SNED1: variants seen among roughly 807,000 people sequenced by gnomAD.
The protein encoded by SNED1 is sushi, nidogen and EGF like domains 1.
A neutral mutation model predicts 166.7 loss-of-function variants in SNED1; 81 were observed. The ratio of observed to expected loss-of-function variants is 0.49; its 90% confidence interval spans 0.41 to 0.58. The LOEUF is 0.58. Ranked by LOEUF, SNED1 falls within the 20% of genes least tolerant of loss-of-function variation. The pLI, the probability that SNED1 is intolerant of heterozygous loss-of-function variation, is 0.00. For synonymous variants in SNED1, 762 were observed against 822.0 expected (o/e 0.93, Z 1.25); for missense variants, 1,604 against 2,000.2 (o/e 0.80, Z 3.78).
At position 241,030,504 on chromosome 2, in the gene SNED1, A is replaced by G. The variant is rs1244109473; in HGVS notation, c.434A>G (p.Asn145Ser). The G allele has an allele frequency of 5.6e-6, 9 of 1,613,780 alleles. No individual in the cohort carries two copies. Among genetic ancestry groups the G allele is most frequent in the Middle Eastern group, 1.6e-4 (1 of 6,084 alleles). The part of the protein sequence containing the change: ...RHYFPELLDF[N>S]ATWVFVATWY... ...TACTTCCCCGAGCTCCTGGACTTCA[A>G]TGCCACCTGGGTTTTTGTTGCCACC... Residue 145 changes from asparagine to serine, a missense_variant, in exon 2 of 32, where the codon AAT becomes AGT. Around this residue, in one of 2 missense-constraint regions of SNED1, gnomAD observed 1,237 missense variants for 1,620.8 expected, o/e 0.76. Coordinates refer to ENST00000310397, the MANE Select transcript of SNED1 (RefSeq NM_001080437.3).
In SNED1 at chr2:241,069,619, G is replaced by A. The variant is rs1002874716; in HGVS notation, c.3308-301G>A. On this transcript the variant is annotated intron_variant, in intron 23 of 31. Coordinates refer to ENST00000310397, the MANE Select transcript of SNED1 (RefSeq NM_001080437.3). The surrounding 1 kb of genome is among the most constrained non-coding windows in gnomAD (Gnocchi z 4.9). ...TCTGCACAGGGCTCCACGCAGCCAG[G>A]CTCAGGGGAACCGACTGTGCCGCAG... 6.6e-6 allele frequency among the ~76,000 whole-genome samples: 1 copy of A among 152,178 alleles called. No individual in the cohort carries two copies. Among genetic ancestry groups the A allele is most frequent in the Non-Finnish European group, 1.5e-5 (1 of 68,022 alleles).
Position 241,069,827 on chromosome 2 carries a change from GC to G in SNED1, c.3308-92del. ...AATAAAGAATCTGGCTTCCAGCAAG[GC>G]TGCGGCAGCCCATGTCCGGTTCTCA... On this transcript the variant is annotated intron_variant, in intron 23 of 31. Coordinates refer to ENST00000310397, the MANE Select transcript of SNED1 (RefSeq NM_001080437.3). The surrounding 1 kb of genome is among the most constrained non-coding windows in gnomAD (Gnocchi z 4.9). 1 of 1,428,472 alleles carries G rather than the reference GC, an allele frequency of 7.0e-7. No individual in the cohort carries two copies. The allele number at this position is 1,428,472 out of a possible 1,614,324, so 88.5% of individuals were successfully genotyped here.
intron 16 of SNED1, among the ~76,000 whole-genome samples, chr2:241,056,756 T>A (rs1376545311): frequency 3.3e-5 from 5 of 151,658 alleles, no homozygotes; most frequent in East Asian, 3.9e-4. Flanking sequence ...AATTTTTTTT[T>A]ATATTTAGTA....
chr2:241,091,027 T>C lies in SNED1; in HGVS notation c.*2-611T>C, dbSNP rs1398091463. 6.6e-6 allele frequency among the ~76,000 whole-genome samples: 1 copy of C among 152,190 alleles called. No individual in the cohort carries two copies. The highest frequency in any genetic ancestry group is 6.5e-5 in the Admixed American group (1 of 15,276). On this transcript the variant is annotated intron_variant, in intron 31 of 31. Coordinates refer to ENST00000310397, the MANE Select transcript of SNED1 (RefSeq NM_001080437.3). This position sits in a 1 kb window ranked among gnomAD's most constrained non-coding sequence, Gnocchi z 4.1. ...ACAAACATAATTTGGGTTTGAGATATTTATACGGTGGTAAGTCACCTGAAA... is the reference window on the plus strand; with the variant it reads ...ACAAACATAATTTGGGTTTGAGATACTTATACGGTGGTAAGTCACCTGAAA...
chr2:241,052,927 C>T (rs1193742560), intron 15 of SNED1, among the ~76,000 whole-genome samples: 2 of 151,860 alleles, frequency 1.3e-5, no homozygotes, highest in East Asian at 1.9e-4. Flanking sequence ...AAGTGGGGAG[C>T]GTGGGATTTC....
chr2:241,068,900 C>T lies in SNED1; in HGVS notation c.3195-11C>T. ...CATCCCTGTTCTCTCTTTGTCACCT[C>T]CTGCCCACAGGGCCCTGCTGCCTGG... On this transcript the variant is annotated splice_polypyrimidine_tract_variant and intron_variant, in intron 22 of 31. Coordinates refer to ENST00000310397, the MANE Select transcript of SNED1 (RefSeq NM_001080437.3). This position sits in a 1 kb window ranked among gnomAD's most constrained non-coding sequence, Gnocchi z 5.3. 1 of 1,537,246 alleles carries T rather than the reference C, an allele frequency of 6.5e-7. No individual in the cohort carries two copies. The highest frequency in any genetic ancestry group is 1.2e-5 in the South Asian group (1 of 83,502).
In SNED1 at chr2:241,013,885, T is replaced by C. The variant is rs1210915812; in HGVS notation, c.213+14835T>C. 6.6e-6 allele frequency among the ~76,000 whole-genome samples: 1 copy of C among 152,242 alleles called. No individual in the cohort carries two copies. The highest frequency in any genetic ancestry group is 1.5e-5 in the Non-Finnish European group (1 of 68,048). On this transcript the variant is annotated intron_variant, in intron 1 of 31. Transcript: ENST00000310397. This position sits in a 1 kb window ranked among gnomAD's most constrained non-coding sequence, Gnocchi z 4.6. ...TATCTTGCTTATGGGAGTGCAGCTA[T>C]TCTATGAGATACTGGTTTCATTTCA...
In SNED1 at chr2:241,068,937, C is replaced by T. The variant is rs532131743; in HGVS notation, c.3221C>T (p.Thr1074Ile). The change falls in exon 23 of 32, where the codon ACC becomes ATC. Residue 1074 changes from threonine (T) to isoleucine (I), a missense_variant. By Grantham distance (89) the Thr-to-Ile change is moderately conservative. Around this residue, in one of 2 missense-constraint regions of SNED1, gnomAD observed 1,237 missense variants for 1,620.8 expected, o/e 0.76. Coordinates refer to ENST00000310397, the MANE Select transcript of SNED1 (RefSeq NM_001080437.3). This position sits in a 1 kb window ranked among gnomAD's most constrained non-coding sequence, Gnocchi z 5.3. ...FRALLPGKRY[T>I]IQLTTLSGLR... Reference sequence around the variant, plus strand: ...GCCCTGCTGCCTGGGAAGAGGTACACCATCCAGCTGACCACCCTCAGTGGG... The same window carrying T: ...GCCCTGCTGCCTGGGAAGAGGTACATCATCCAGCTGACCACCCTCAGTGGG... 3.2e-4 allele frequency: 504 copies of T among 1,554,438 alleles called. No homozygotes were observed. The highest frequency in any genetic ancestry group is 4.2e-4 in the Non-Finnish European group (488 of 1,149,182).
At chr2:241,015,001 G>A (rs1193894392) in intron 1 of SNED1, among the ~76,000 whole-genome samples, 1 of 152,190 alleles carries the variant, frequency 6.6e-6, no homozygotes, top group Non-Finnish European at 1.5e-5. Flanking sequence ...AGGAGCGTTG[G>A]GCTAACTGTG....
chr2:241,016,144 A>C (rs1330139341), intron 1 of SNED1: 2 of 124,850 alleles, frequency 1.6e-5, no homozygotes, highest in African/African-American at 7.1e-5. Flanking sequence ...TTCTGATGTA[A>C]AGCATAGCTG....
chr2:241,001,757 C>T (rs1464601884), intron 1 of SNED1, among the ~76,000 whole-genome samples: 4 of 152,212 alleles, frequency 2.6e-5, no homozygotes, highest in African/African-American at 9.7e-5. Flanking sequence ...GCTCCAAGCA[C>T]TGCCCCCATC....
chr2:241,052,075 C>A lies in SNED1; in HGVS notation c.1887C>A (p.His629Gln). The A allele has an allele frequency of 6.2e-7, 1 of 1,613,930 alleles. No homozygotes were observed. The highest frequency in any genetic ancestry group is 8.5e-7 in the Non-Finnish European group (1 of 1,179,858). The change falls in exon 14 of 32, where the codon CAC (histidine) becomes CAA (glutamine). Residue 629 changes from histidine to glutamine, a missense_variant. By Grantham distance (24) the His-to-Gln change is conservative. Around this residue, in one of 2 missense-constraint regions of SNED1, gnomAD observed 1,237 missense variants for 1,620.8 expected, o/e 0.76. Coordinates refer to ENST00000310397, the MANE Select transcript of SNED1 (RefSeq NM_001080437.3). ...KPDSCASGPC[H>Q]NGGTCFHYIG... ...ACTCGTGTGCCTCTGGCCCCTGTCACAACGGCGGCACCTGCTTCCACTACA... is the reference window on the plus strand; with the variant it reads ...ACTCGTGTGCCTCTGGCCCCTGTCAAAACGGCGGCACCTGCTTCCACTACA...
intron 1 of SNED1, among the ~76,000 whole-genome samples, chr2:241,000,815 G>A (rs897681817): frequency 7.9e-5 from 12 of 152,348 alleles, no homozygotes; most frequent in African/African-American, 2.2e-4. Flanking sequence ...ACCATTTGCC[G>A]ATGTGGACAC....
At position 241,013,088 on chromosome 2, in the gene SNED1, C is replaced by A. The variant is rs2060466577; in HGVS notation, c.213+14038C>A. On this transcript the variant is annotated intron_variant, in intron 1 of 31. Transcript: ENST00000310397. The surrounding 1 kb of genome is among the most constrained non-coding windows in gnomAD (Gnocchi z 4.6). Reference sequence around the variant, plus strand: ...TGACCTCGTGATCCGCCTGTCTCAGCCTCCCAAAGTGATGGGATTACAGGC... The same window carrying A: ...TGACCTCGTGATCCGCCTGTCTCAGACTCCCAAAGTGATGGGATTACAGGC... 6.6e-6 allele frequency among the ~76,000 whole-genome samples: 1 copy of A among 152,150 alleles called. No homozygotes were observed. The highest frequency in any genetic ancestry group is 1.5e-5 in the Non-Finnish European group (1 of 68,028).
At chr2:241,085,685 TACTG>T (rs2125323027) in intron 29 of SNED1, among the ~76,000 whole-genome samples, 1 of 151,678 alleles carries the variant, frequency 6.6e-6, no homozygotes, top group African/African-American at 2.4e-5. Context: ...AGTTTTATGT[TACTG>T]ACGCTGGATT....
intron 29 of SNED1, among the ~76,000 whole-genome samples, chr2:241,083,324 G>A (rs2063421054): frequency 6.6e-6 from 1 of 152,186 alleles, no homozygotes; most frequent in Non-Finnish European, 1.5e-5. Flanking sequence ...GGTGAGAGGT[G>A]AGGGACAGGG....
At position 241,063,680 on chromosome 2, in the gene SNED1, T is replaced by C. The variant is rs1269965198; in HGVS notation, c.2465T>C (p.Val822Ala). ...AYVCRCPAGF[V>A]GVHCETEVDA... is the part of the protein sequence containing the mutation. ...GTCTGCCGGTGCCCTGCAGGCTTCGTTGGAGTCCACTGTGAGACAGGTAGG... is the reference window on the plus strand; with the variant it reads ...GTCTGCCGGTGCCCTGCAGGCTTCGCTGGAGTCCACTGTGAGACAGGTAGG... Residue 822 changes from valine to alanine, a missense_variant, in exon 18 of 32, where the codon GTT becomes GCT. By Grantham distance (64) the Val-to-Ala change is moderately conservative. Transcript: ENST00000310397. The C allele has an allele frequency of 3.7e-6, 6 of 1,610,410 alleles. No homozygotes were observed. Among genetic ancestry groups the C allele is most frequent in the Non-Finnish European group, 5.1e-6 (6 of 1,178,154 alleles).
chr2:241,001,647 C>T lies in SNED1; in HGVS notation c.213+2597C>T, dbSNP rs189652787. On this transcript the variant is annotated intron_variant, in intron 1 of 31. Coordinates refer to ENST00000310397, the MANE Select transcript of SNED1 (RefSeq NM_001080437.3). ...GTGTCTGCATTAAGACGGAGCTTGC[C>T]GCGGTCTGTGGGGCTTATGCAGGTG... is the stretch of plus-strand genomic sequence containing the variant. 2.8e-3 allele frequency among the ~76,000 whole-genome samples: 431 copies of T among 152,306 alleles called. 8 individuals are homozygous for T. The highest frequency in any genetic ancestry group is 0.026 in the Admixed American group (400 of 15,302).
intron 16 of SNED1, among the ~76,000 whole-genome samples, chr2:241,055,959 C>T (rs1432175968): frequency 6.6e-6 from 1 of 152,212 alleles, no homozygotes; most frequent in Non-Finnish European, 1.5e-5. Flanking sequence ...AGCTTCGCTA[C>T]CTAGTAGAGA....
Sources: allele counts gnomAD v4.1 joint callset (sites outside exome capture counted in the v4.1 genomes callset), GRCh38; gene constraint gnomAD v4.1.1; regional missense constraint gnomAD v4.1.1; non-coding constraint Gnocchi (gnomAD v3.1); transcripts MANE v1.5; gene names NCBI Gene and HGNC (gene_info 2026-07-23, HGNC 2026-07-21).